The following RAD51B variants were observed in gnomAD, a reference collection of about 807,000 sequenced individuals.
RAD51B encodes the protein DNA repair protein RAD51 homolog 2.
A neutral mutation model predicts 42.2 loss-of-function variants in RAD51B; 38 were observed. The ratio of observed to expected loss-of-function variants is 0.90; its 90% CI spans 0.70 to 1.18. The LOEUF (loss-of-function observed/expected upper bound fraction) is 1.18. Among genes scored for constraint, RAD51B ranks in the 50% most tolerant of loss-of-function variants. RAD51B has a pLI of 0.00. For synonymous variants in RAD51B, 154 were observed against 145.2 expected (o/e 1.06, Z -0.43); for missense variants, 373 against 400.7 (o/e 0.93, Z 0.59).
chr14:68,150,450 G>T (rs1595473876), intron 7 of RAD51B, among the ~76,000 whole-genome samples: 1 of 138,712 alleles, frequency 7.2e-6, no homozygotes, highest in African/African-American at 2.6e-5. Flanking sequence ...CATGAACATA[G>T]AATATTTCTC....
intron 8 of RAD51B, among the ~76,000 whole-genome samples, chr14:68,410,473 A>G (rs756271445): frequency 7.0e-4 from 106 of 152,222 alleles, no homozygotes; most frequent in Non-Finnish European, 7.1e-4. Flanking sequence ...TGGAGGCAAC[A>G]AGGCACACTA....
At chr14:68,285,134 C>T (rs1180966784) in intron 7 of RAD51B, among the ~76,000 whole-genome samples, 1 of 152,200 alleles carries the variant, frequency 6.6e-6, no homozygotes. Context: ...CCAGGCCTTT[C>T]TCTCAAACCT....
At chr14:68,294,423 A>G (rs2081574484) in intron 8 of RAD51B, among the ~76,000 whole-genome samples, 1 of 152,228 alleles carries the variant, frequency 6.6e-6, no homozygotes, top group Non-Finnish European at 1.5e-5. Flanking sequence ...CCATTCAAAT[A>G]TATTACAATG....
At chr14:68,592,253 A>ATGTGTGTGTGTGTGTGTG (rs55833641) in intron 10 of RAD51B, among the ~76,000 whole-genome samples, 2 of 139,956 alleles carry the variant, frequency 1.4e-5, no homozygotes, top group African/African-American at 5.8e-5. Context: ...GTAGGCAATG[A>ATGTGTGTGTGTGTGTGTG]TGTGTGTGTG....
chr14:68,430,127 A>T (rs1301841453), intron 9 of RAD51B, among the ~76,000 whole-genome samples: 1 of 152,142 alleles, frequency 6.6e-6, no homozygotes, highest in African/African-American at 2.4e-5. Flanking sequence ...TGGTACCAGT[A>T]CCATGCTGTT....
At chr14:68,050,005 G>A (rs980372393) in intron 7 of RAD51B, among the ~76,000 whole-genome samples, 1 of 152,116 alleles carries the variant, frequency 6.6e-6, no homozygotes, top group African/African-American at 2.4e-5. Context: ...TTTTTCACAG[G>A]TCTAGAAAAT....
chr14:68,483,772 G>T (rs1883388357), intron 10 of RAD51B, among the ~76,000 whole-genome samples: 1 of 152,190 alleles, frequency 6.6e-6, no homozygotes, highest in Non-Finnish European at 1.5e-5. Context: ...TTTCAGTCAA[G>T]TGCTGATGGC....
chr14:68,610,887 C>G lies in RAD51B; in HGVS notation c.1037-119C>G, dbSNP rs7142087. 4.3e-3 allele frequency: 1,334 copies of G among 310,712 alleles called. 10 individuals carry two copies. The highest frequency in any genetic ancestry group is 6.6e-3 in the Admixed American group (150 of 22,700). The allele number at this position is 310,712 out of a possible 1,614,324, so 19.2% of individuals were successfully genotyped here. A position where few individuals can be genotyped will look rare whatever the true frequency, so the allele number is the denominator to read the frequency against. ...TGTGTGTGTGTGTGTGTGTGTGTGTCATCTCCCTAGTTGTGTAACCCTGCA... is the reference window on the plus strand; with the variant it reads ...TGTGTGTGTGTGTGTGTGTGTGTGTGATCTCCCTAGTTGTGTAACCCTGCA... On this transcript the variant is annotated intron_variant, in intron 10 of 10. Transcript: ENST00000487861.
chr14:68,475,537 T>G (rs1229414190), intron 10 of RAD51B, among the ~76,000 whole-genome samples: 2 of 152,320 alleles, frequency 1.3e-5, no homozygotes, highest in Non-Finnish European at 2.9e-5. Flanking sequence ...AGGAAGGAAC[T>G]TTAGTATGTG....
chr14:67,937,851 T>A (rs1429785113), intron 7 of RAD51B, among the ~76,000 whole-genome samples: 2 of 152,170 alleles, frequency 1.3e-5, no homozygotes, highest in Non-Finnish European at 2.9e-5. Context: ...TGAGTTACAT[T>A]AAGAAATGGG....
At chr14:67,843,385 G>A (rs887456131) in intron 4 of RAD51B, 4 of 150,542 alleles carry the variant, frequency 2.7e-5, no homozygotes, top group Non-Finnish European at 4.4e-5. Flanking sequence ...AGTTATTGAG[G>A]AGTCCCTCTT....
At chr14:68,067,756 C>T (rs184684623) in intron 7 of RAD51B, among the ~76,000 whole-genome samples, 68 of 150,852 alleles carry the variant, frequency 4.5e-4, no homozygotes, top group Non-Finnish European at 5.0e-4. Flanking sequence ...ACAGCAAGAC[C>T]CCATCTTTAC....
intron 10 of RAD51B, among the ~76,000 whole-genome samples, chr14:68,502,839 G>C (rs1287024028): frequency 1.3e-5 from 2 of 152,164 alleles, no homozygotes; most frequent in Non-Finnish European, 2.9e-5. Flanking sequence ...GAAAAGGACA[G>C]GATCCTGTGT....
At chr14:67,855,280 G>A (rs1347698635) in intron 4 of RAD51B, among the ~76,000 whole-genome samples, 4 of 151,964 alleles carry the variant, frequency 2.6e-5, no homozygotes, top group African/African-American at 9.7e-5. Flanking sequence ...GCACAGGCTG[G>A]AGTGCAGTGG....
In RAD51B at chr14:68,662,215, A is replaced by AT. The variant is rs1478506919; in HGVS notation, c.*11+11361dup. Among the ~76,000 whole-genome samples, 5 of 152,342 alleles carry AT rather than the reference A, an allele frequency of 3.3e-5. No homozygotes were observed. In the East Asian group the frequency reaches 9.7e-4, roughly 29 times the overall value. ...ATTTTCTTGGTAACTGTTCAGGTTG[A>AT]TTCACGTCGACTTTACAGTCAACAC... is the stretch of plus-strand genomic sequence containing the variant. On this transcript the variant is annotated intron_variant, in intron 11 of 11. Transcript: ENST00000488612.
At chr14:68,110,964 C>T (rs1373934414) in intron 7 of RAD51B, among the ~76,000 whole-genome samples, 2 of 152,028 alleles carry the variant, frequency 1.3e-5, no homozygotes, top group African/African-American at 4.8e-5. Context: ...TCTCCCTGCA[C>T]TTATCCCTGA....
intron 3 of RAD51B, 30 bp from the exon 4 acceptor site, chr14:67,835,050 G>GAA (rs34564590): frequency 2.4e-4 from 370 of 1,527,650 alleles, no homozygotes; most frequent in Non-Finnish European, 2.9e-4. Context: ...TATAGAGGTT[G>GAA]AAAAAAAACT....
rs552559522 is a variant in RAD51B, at chr14:68,519,932, C to T, written c.1036+51682C>T. On this transcript the variant is annotated intron_variant, in intron 10 of 10. Transcript: ENST00000487270. ...AAGAGAAAAAAAGGAGAAGAGAGAACGTTTCTTTGCCTAGATGTAAAACAG... is the reference window on the plus strand; with the variant it reads ...AAGAGAAAAAAAGGAGAAGAGAGAATGTTTCTTTGCCTAGATGTAAAACAG... 5.3e-5 allele frequency among the ~76,000 whole-genome samples: 8 copies of T among 152,310 alleles called. No homozygotes were observed. In the South Asian group the frequency reaches 1.0e-3, roughly 20 times the overall value.
intron 8 of RAD51B, among the ~76,000 whole-genome samples, chr14:68,336,728 T>C (rs2082462766): frequency 6.6e-6 from 1 of 152,212 alleles, no homozygotes; most frequent in Non-Finnish European, 1.5e-5. Flanking sequence ...AGATTTTCTT[T>C]CTTTGTATCA....
Sources: gnomAD v4.1 joint callset for allele counts (sites outside exome capture counted in the v4.1 genomes callset) on GRCh38, gnomAD v4.1.1 for gene constraint, MANE v1.5 for transcripts, NCBI Gene and HGNC (gene_info 2026-07-23, HGNC 2026-07-21) for gene names.